Variants in TGM5 observed in about 807,000 individuals in gnomAD.
The protein encoded by TGM5 is protein-glutamine gamma-glutamyltransferase 5.
In TGM5, 69 loss-of-function variants were observed where a neutral mutation model predicts 77.2. The observed-to-expected ratio is 0.89, with a 90% CI of 0.74 to 1.09. The LOEUF (loss-of-function observed/expected upper bound fraction) is 1.09, where lower values mean the gene tolerates loss of function less well. TGM5 is among the 50% of genes least tolerant of loss of function. The pLI is 0.00. For synonymous variants in TGM5, 346 were observed against 351.8 expected, an observed-to-expected ratio of 0.98 and a Z score of 0.18; for missense variants, 842 against 896.5, an observed-to-expected ratio of 0.94 and a Z score of 0.78.
At position 43,260,284 on chromosome 15, in the gene TGM5, G is replaced by A; in HGVS notation, c.204C>T (p.Asp68=). 1 of 1,614,088 alleles carries A rather than the reference G, an allele frequency of 6.2e-7. No homozygotes were observed. Among genetic ancestry groups the A allele is most frequent in the Non-Finnish European group, 8.5e-7 (1 of 1,180,020 alleles). ...IFVVETGPLP[D]LALGTRAVFS... ...ACACAGCCCGAGTCCCCAAGGCCAG[G>A]TCTGGCAGCGGTCCTAGGAGGGAAG... Residue 68 remains aspartate, a synonymous_variant, in exon 3 of 13, where the codon GAC becomes GAT. Coordinates refer to ENST00000220420, the MANE Select transcript of TGM5 (RefSeq NM_201631.4).
rs761157865 is a variant in TGM5 at position 43,256,536 on chromosome 15, C to A, written c.555+32G>T. On this transcript the variant is annotated intron_variant, in intron 4 of 12. Coordinates refer to ENST00000220420, the MANE Select transcript of TGM5 (RefSeq NM_201631.4). ...CTCCCTCTCCCCACAAGCTCGGGGC[C>A]GGGATGGGCCATAAGCAGGGCTGAG... 10 of 1,552,246 alleles carry A rather than the reference C, an allele frequency of 6.4e-6. No individual in the cohort carries two copies. In the East Asian group the frequency reaches 2.2e-4, roughly 35 times the overall value.
At chr15:43,261,241 C>T (rs1226450903) in intron 1 of TGM5, among the ~76,000 whole-genome samples, 2 of 151,920 alleles carry the variant, frequency 1.3e-5, no homozygotes, top group African/African-American at 2.4e-5. Flanking sequence ...AGGCGCCCGC[C>T]ACCATGCCTG....
At chr15:43,245,676 A>T (rs2042664677) in intron 6 of TGM5, among the ~76,000 whole-genome samples, 1 of 152,210 alleles carries the variant, frequency 6.6e-6, no homozygotes, top group African/African-American at 2.4e-5. Context: ...GAAGTGCAAT[A>T]ACCTGTTACT....
chr15:43,250,009 T>C (rs1259084059), intron 6 of TGM5, among the ~76,000 whole-genome samples: 1 of 152,144 alleles, frequency 6.6e-6, no homozygotes, highest in African/African-American at 2.4e-5. Flanking sequence ...TTGCAGGTGG[T>C]GGTCAGGATT....
chr15:43,261,072 G>GTTTTTTT (rs1566837432), intron 1 of TGM5, among the ~76,000 whole-genome samples: 3 of 53,868 alleles, frequency 5.6e-5, no homozygotes, highest in African/African-American at 1.1e-4. Flanking sequence ...TTTTTTGTGT[G>GTTTTTTT]TGTGTTTTTT....
chr15:43,233,012 T>C lies in TGM5; in HGVS notation c.*179A>G. Reference sequence around the variant, plus strand: ...AAACAAAGCAAAGTCTTTGCCCTCATGGAGCTTAAATTTCTAGTGGAGTCA... The same window carrying C: ...AAACAAAGCAAAGTCTTTGCCCTCACGGAGCTTAAATTTCTAGTGGAGTCA... On this transcript the variant is annotated 3_prime_UTR_variant, in exon 13 of 13. Transcript: ENST00000220420. The C allele has an allele frequency of 1.3e-6, 1 of 753,946 alleles. No individual in the cohort carries two copies. Among genetic ancestry groups the C allele is most frequent in the Non-Finnish European group, 2.1e-6 (1 of 471,156 alleles). The allele number at this position is 753,946 out of a possible 1,614,324, so 46.7% of individuals were successfully genotyped here. A position where few individuals can be genotyped will look rare whatever the true frequency, so the allele number is the denominator to read the frequency against.
rs140144106 is a variant in TGM5 at position 43,237,804 on chromosome 15, A to G, written c.1345+1013T>C. On this transcript the variant is annotated intron_variant, in intron 9 of 12. Transcript: ENST00000220420. ...CTCCCAGCCAGCTGTCACTGTGCTA[A>G]CAGGCTTGAAAATGTACTCTTACAT... 1.3e-3 allele frequency among the ~76,000 whole-genome samples: 197 copies of G among 152,366 alleles called. 2 individuals carry two copies. Among genetic ancestry groups the G allele is most frequent in the Non-Finnish European group, 7.5e-4 (51 of 68,030 alleles).
rs139267808 is a variant in TGM5 at position 43,241,105 on chromosome 15, G to A, written c.863-115C>T. ...TTCCATTTGCCATCTGCAGGAACAT[G>A]CTGGAGCTGTCTGGAACACTGGAAT... On this transcript the variant is annotated intron_variant, in intron 6 of 12. Transcript: ENST00000220420. The A allele has an allele frequency of 2.1e-4, 289 of 1,363,644 alleles. 4 individuals carry two copies. The highest frequency in any genetic ancestry group is 8.0e-4 in the Admixed American group (43 of 53,608). The allele number at this position is 1,363,644 out of a possible 1,614,324, so 84.5% of individuals were successfully genotyped here. A position where few individuals can be genotyped will look rare whatever the true frequency, so the allele number is the denominator to read the frequency against.
intron 9 of TGM5, among the ~76,000 whole-genome samples, chr15:43,236,894 A>C (rs1253562721): frequency 6.7e-6 from 1 of 150,232 alleles, no homozygotes; most frequent in Non-Finnish European, 1.5e-5. Flanking sequence ...GCTTGAACCC[A>C]GGAAGCAGAG....
At position 43,238,965 on chromosome 15, in the gene TGM5, C is replaced by T. The variant is rs147961376; in HGVS notation, c.1197G>A (p.Val399=). Residue 399 remains valine (V), a synonymous_variant, in exon 9 of 13, where the codon GTG becomes GTA. Coordinates refer to ENST00000220420, the MANE Select transcript of TGM5 (RefSeq NM_201631.4). ...NYDTPFVFSM[V]NADCMSWLVQ... ...CGAGCCAGGACATGCAGTCAGCATTCACCATCGAAAACACAAAGGGCGTGT... is the reference window on the plus strand; with the variant it reads ...CGAGCCAGGACATGCAGTCAGCATTTACCATCGAAAACACAAAGGGCGTGT... 234 of 1,614,200 alleles carry T rather than the reference C, an allele frequency of 1.4e-4. No homozygotes were observed. In the African/African-American group the frequency reaches 2.8e-3, roughly 19 times the overall value.
intron 1 of TGM5, among the ~76,000 whole-genome samples, chr15:43,262,368 G>A (rs2042795402): frequency 6.6e-6 from 1 of 152,178 alleles, no homozygotes. Flanking sequence ...CTAGATATAA[G>A]CCAATAAGTA....
At chr15:43,260,361 A>G in intron 2 of TGM5, 39 bp downstream of exon 2, 2 of 1,614,170 alleles carry the variant, frequency 1.2e-6, no homozygotes, top group Non-Finnish European at 1.7e-6. Flanking sequence ...ATCCCCTCCC[A>G]GACACACACA....
Position 43,233,552 on chromosome 15 carries a change from A to G in TGM5, c.2009+2T>C, listed in dbSNP as rs772495198. ...AGAAGGCTGAGCACTTGCAGCACTT[A>G]CAAGACTTTCTGCTGTTTCTTGAAG... is the stretch of plus-strand genomic sequence containing the variant. On this transcript the variant is annotated splice_donor_variant, in intron 12 of 12. Transcript: ENST00000220420. LOFTEE classifies it high-confidence loss of function. The G allele has an allele frequency of 2.5e-6, 4 of 1,614,200 alleles. No individual in the cohort carries two copies. In the South Asian group the frequency reaches 4.4e-5, roughly 18 times the overall value.
Position 43,234,856 on chromosome 15 carries a change from G to A in TGM5, c.1788C>T (p.Ile596=). Residue 596 remains isoleucine (I), a synonymous_variant, in exon 11 of 13, where the codon ATC becomes ATT. Coordinates refer to ENST00000220420, the MANE Select transcript of TGM5 (RefSeq NM_201631.4). The part of the protein sequence containing the change: ...QYLSTDKLIR[I]SALGEEKSSP... ...TGCTTTTCTCTTCACCCAGGGCACT[G>A]ATGCGGATCAGCTTGTCTGTTGACA... The A allele has an allele frequency of 1.2e-6, 2 of 1,614,228 alleles. No homozygotes were observed. Among genetic ancestry groups the A allele is most frequent in the Non-Finnish European group, 1.7e-6 (2 of 1,180,044 alleles).
intron 11 of TGM5, among the ~76,000 whole-genome samples, chr15:43,234,110 A>G (rs2042569514): frequency 1.3e-5 from 2 of 152,092 alleles, no homozygotes; most frequent in Non-Finnish European, 2.9e-5. Context: ...TTCTCTTGTC[A>G]CTTCTCTAAA....
At chr15:43,237,673 C>A (rs1182384007) in intron 9 of TGM5, among the ~76,000 whole-genome samples, 2 of 152,150 alleles carry the variant, frequency 1.3e-5, no homozygotes, top group Non-Finnish European at 2.9e-5. Flanking sequence ...CTCAGCCTCC[C>A]AAAGTGTTGG....
intron 7 of TGM5, among the ~76,000 whole-genome samples, 172 bp downstream of exon 7, chr15:43,240,680 G>A (rs1247127679): frequency 2.1e-5 from 3 of 144,184 alleles, no homozygotes; most frequent in Non-Finnish European, 4.5e-5. Context: ...GCTGAAGATT[G>A]GCAAGAGGTG....
chr15:43,248,983 G>A (rs1406282771), intron 6 of TGM5, among the ~76,000 whole-genome samples: 1 of 152,134 alleles, frequency 6.6e-6, no homozygotes, highest in Non-Finnish European at 1.5e-5. Context: ...CATGCAAGTT[G>A]GGTTGCTTTA....
intron 6 of TGM5, among the ~76,000 whole-genome samples, chr15:43,251,249 CT>C (rs2042701175): frequency 6.6e-6 from 1 of 152,084 alleles, no homozygotes; most frequent in Non-Finnish European, 1.5e-5. Flanking sequence ...AACTCAAGAG[CT>C]GGCTCTGCAG....
Sources: allele counts gnomAD v4.1 joint callset (sites outside exome capture counted in the v4.1 genomes callset), GRCh38; gene constraint gnomAD v4.1.1; transcripts MANE v1.5; gene names NCBI Gene and HGNC (gene_info 2026-07-23, HGNC 2026-07-21).